Variants in RNF13 observed in about 807,000 individuals in gnomAD.
RNF13 encodes the protein E3 ubiquitin-protein ligase RNF13.
RNF13 carries 19 observed loss-of-function variants against 37.7 expected under a neutral mutation model. The ratio of observed to expected loss-of-function variants is 0.50; its 90% CI spans 0.35 to 0.74. RNF13 has a LOEUF of 0.74. RNF13 is among the 30% of genes least tolerant of loss of function. The pLI, the probability that RNF13 is intolerant of heterozygous loss-of-function variation, is 0.01. For synonymous variants in RNF13, 144 were observed against 157.8 expected (o/e 0.91, Z 0.65); for missense variants, 375 against 453.0 (o/e 0.83, Z 1.56).
intron 8 of RNF13, among the ~76,000 whole-genome samples, chr3:149,948,457 T>C (rs1162254463): frequency 2.0e-5 from 3 of 152,202 alleles, no homozygotes; most frequent in African/African-American, 7.2e-5. Flanking sequence ...TTGTTGATTT[T>C]TTCTAGTGAC....
intron 2 of RNF13, among the ~76,000 whole-genome samples, chr3:149,848,111 T>C (rs901690605): frequency 5.3e-5 from 8 of 152,224 alleles, no homozygotes; most frequent in African/African-American, 1.9e-4. Context: ...ATGGTTTTAA[T>C]CTTCATTATA....
intron 6 of RNF13, among the ~76,000 whole-genome samples, chr3:149,902,406 TA>T (rs971316402): frequency 1.6e-4 from 24 of 152,112 alleles, no homozygotes; most frequent in African/African-American, 4.3e-4. Flanking sequence ...GCTAAAAAGA[TA>T]ACTTTTCATT....
At chr3:149,925,938 T>C (rs1363534551) in intron 8 of RNF13, among the ~76,000 whole-genome samples, 1 of 152,216 alleles carries the variant, frequency 6.6e-6, no homozygotes, top group African/African-American at 2.4e-5. Context: ...TGTTTTACTT[T>C]TTATTTCCCT....
intron 8 of RNF13, among the ~76,000 whole-genome samples, chr3:149,938,245 T>G (rs1325774350): frequency 6.6e-6 from 1 of 152,006 alleles, no homozygotes; most frequent in African/African-American, 2.4e-5. Flanking sequence ...TGGTGCGATC[T>G]CAGCTCACTG....
chr3:149,867,525 A>C (rs1402290245), intron 3 of RNF13, among the ~76,000 whole-genome samples: 1 of 151,630 alleles, frequency 6.6e-6, no homozygotes, highest in Non-Finnish European at 1.5e-5. Context: ...TCGGCCTCCC[A>C]AAGTGCTGGG....
chr3:149,938,241 G>A (rs538717793), intron 8 of RNF13, among the ~76,000 whole-genome samples: 7 of 151,856 alleles, frequency 4.6e-5, no homozygotes, highest in African/African-American at 9.6e-5. Flanking sequence ...GCAGTGGTGC[G>A]ATCTCAGCTC....
chr3:149,840,584 C>T (rs756328846), intron 1 of RNF13, among the ~76,000 whole-genome samples: 1 of 152,086 alleles, frequency 6.6e-6, no homozygotes, highest in Non-Finnish European at 1.5e-5. Flanking sequence ...ATAAGAGTCT[C>T]GACAAACAGT....
chr3:149,901,227 T>A (rs1196490654), intron 5 of RNF13, among the ~76,000 whole-genome samples: 2 of 152,320 alleles, frequency 1.3e-5, no homozygotes, highest in East Asian at 3.9e-4. Context: ...AAATGCATAA[T>A]GAATATGCAT....
chr3:149,888,633 C>G (rs1714308600), intron 4 of RNF13, among the ~76,000 whole-genome samples: 1 of 152,168 alleles, frequency 6.6e-6, no homozygotes, highest in African/African-American at 2.4e-5. Flanking sequence ...AAATAATGTT[C>G]TAGTTCTAAG....
At chr3:149,821,988 C>T (rs1171000477) in intron 1 of RNF13, among the ~76,000 whole-genome samples, 1 of 152,086 alleles carries the variant, frequency 6.6e-6, no homozygotes. Flanking sequence ...CTCAATTCTA[C>T]TCCTTTGGTC....
intron 1 of RNF13, among the ~76,000 whole-genome samples, chr3:149,838,090 C>T (rs1466132321): frequency 6.6e-6 from 1 of 152,216 alleles, no homozygotes; most frequent in Non-Finnish European, 1.5e-5. Flanking sequence ...CCAAAATGAT[C>T]TCCTTTGACT....
chr3:149,895,549 G>A lies in RNF13; in HGVS notation c.398G>A (p.Gly133Glu). 6.3e-7 allele frequency: 1 copy of A among 1,598,072 alleles called. No individual in the cohort carries two copies. Among genetic ancestry groups the A allele is most frequent in the Non-Finnish European group, 8.6e-7 (1 of 1,167,458 alleles). Residue 133 changes from glycine (G) to glutamate (E), a missense_variant, in exon 5 of 10, where the codon GGA (glycine) becomes GAA (glutamate). Transcript: ENST00000392894. ...GATTCTGATGACCTCATTAGCATGG[G>A]ATCCAACGACAGTAAGTACAGGTAT... ...NVDSDDLISM[G>E]SNDIEVLKKI...
chr3:149,852,370 A>G, intron 2 of RNF13, 146 bp from the exon 3 acceptor site: 1 of 417,726 alleles, frequency 2.4e-6, no homozygotes, highest in Non-Finnish European at 4.3e-6. Flanking sequence ...TAGTGGATGT[A>G]CATTTACAAA....
chr3:149,833,759 C>T (rs1721305662), intron 1 of RNF13, among the ~76,000 whole-genome samples: 1 of 151,998 alleles, frequency 6.6e-6, no homozygotes, highest in South Asian at 2.1e-4. Flanking sequence ...AAGTCCTAGC[C>T]AGAGCAATTA....
chr3:149,897,913 G>T (rs35267499), intron 5 of RNF13, among the ~76,000 whole-genome samples: 1 of 152,154 alleles, frequency 6.6e-6, no homozygotes, highest in African/African-American at 2.4e-5. Flanking sequence ...GCCAGGAACA[G>T]AATGGATTAA....
intron 7 of RNF13, among the ~76,000 whole-genome samples, chr3:149,917,037 C>G (rs1175698526): frequency 1.3e-5 from 2 of 152,096 alleles, no homozygotes; most frequent in Non-Finnish European, 2.9e-5. Flanking sequence ...CTTTATCACT[C>G]TTAATGTTTC....
intron 7 of RNF13, among the ~76,000 whole-genome samples, chr3:149,916,198 A>G (rs979694510): frequency 1.3e-5 from 2 of 152,064 alleles, no homozygotes; most frequent in Non-Finnish European, 2.9e-5. Flanking sequence ...AGACATTCAG[A>G]TGGTTTTCCA....
At chr3:149,946,502 A>G (rs966478236) in intron 8 of RNF13, among the ~76,000 whole-genome samples, 2 of 152,178 alleles carry the variant, frequency 1.3e-5, no homozygotes, top group Non-Finnish European at 2.9e-5. Context: ...TACTAGTTAC[A>G]GGTATGTTCA....
chr3:149,929,775 G>T (rs1718990156), intron 8 of RNF13, among the ~76,000 whole-genome samples: 1 of 152,110 alleles, frequency 6.6e-6, no homozygotes, highest in Non-Finnish European at 1.5e-5. Context: ...AGCATTATTT[G>T]TTGAAAAGAC....
Sources: gnomAD v4.1 joint callset for allele counts (sites outside exome capture counted in the v4.1 genomes callset) on GRCh38, gnomAD v4.1.1 for gene constraint, MANE v1.5 for transcripts, NCBI Gene and HGNC (gene_info 2026-07-23, HGNC 2026-07-21) for gene names.